The following ESPL1 variants were observed in gnomAD, a reference collection of about 807,000 sequenced individuals.
ESPL1 encodes separin.
ESPL1 carries 50 observed loss-of-function variants against 217.2 expected under a neutral mutation model. That is an observed-to-expected ratio of 0.23 (90% CI 0.18 to 0.29). The LOEUF is 0.29. ESPL1 is among the 10% of genes least tolerant of loss of function. The pLI is 1.00. For synonymous variants in ESPL1, 994 were observed against 1,081.3 expected (o/e 0.92, Z 1.58); for missense variants, 1,834 against 2,603.0 (o/e 0.70, Z 6.43).
chr12:53,283,114 C>T lies in ESPL1; in HGVS notation c.2792-15C>T, dbSNP rs757919648. The T allele has an allele frequency of 6.2e-7, 1 of 1,613,490 alleles. No individual in the cohort carries two copies. The highest frequency in any genetic ancestry group is 1.1e-5 in the South Asian group (1 of 91,006). ...CTGGCTGCATCTTCTCCCTTTTTCA[C>T]CCCACCCACCACAGGCTGGCAGACA... is the stretch of plus-strand genomic sequence containing the variant. On this transcript the variant is annotated splice_polypyrimidine_tract_variant and intron_variant, in intron 14 of 30. Coordinates refer to ENST00000257934, the MANE Select transcript of ESPL1 (RefSeq NM_012291.5).
chr12:53,273,032 C>CTTTT, intron 6 of ESPL1, among the ~76,000 whole-genome samples, 175 bp downstream of exon 6: 1 of 144,356 alleles, frequency 6.9e-6, no homozygotes. Flanking sequence ...ACTGTTGACT[C>CTTTT]ATTTTTTTTT....
At chr12:53,270,239 T>A in intron 3 of ESPL1, 139 bp from the exon 4 acceptor site, 3 of 932,880 alleles carry the variant, frequency 3.2e-6, no homozygotes, top group Non-Finnish European at 5.1e-6. Flanking sequence ...TAGTCTATCC[T>A]GAGAGGGCAG....
At chr12:53,284,434 G>C (rs1565759670) in intron 17 of ESPL1, among the ~76,000 whole-genome samples, 3 of 151,712 alleles carry the variant, frequency 2.0e-5, no homozygotes, top group Admixed American at 6.6e-5. Flanking sequence ...TTTTTTATTT[G>C]TAGTAGAGAT....
intron 12 of ESPL1, among the ~76,000 whole-genome samples, 166 bp from the exon 13 acceptor site, chr12:53,281,341 G>A (rs1943858257): frequency 6.6e-6 from 1 of 152,050 alleles, no homozygotes; most frequent in African/African-American, 2.4e-5. Context: ...GTGTCACCAT[G>A]TTGGCCAGGC....
At position 53,269,115 on chromosome 12, in the gene ESPL1, A is replaced by C. The variant is rs1943619741; in HGVS notation, c.173A>C (p.Asn58Thr). The C allele has an allele frequency of 6.2e-7, 1 of 1,613,992 alleles. No homozygotes were observed. The highest frequency in any genetic ancestry group is 1.3e-5 in the African/African-American group (1 of 74,926). ...QACDAILRAC[N>T]QQLTAKLACP... The stretch of plus-strand genomic sequence containing the variant: ...TGTGATGCCATCCTGAGGGCTTGCA[A>C]CCAGCAGCTGACTGCTAAGCTAGCT... The change falls in exon 3 of 31, where the codon AAC becomes ACC. Residue 58 changes from asparagine to threonine, a missense_variant. Physicochemically the swap from Asn to Thr is moderately conservative, Grantham distance 65. Coordinates refer to ENST00000257934, the MANE Select transcript of ESPL1 (RefSeq NM_012291.5). This position sits in a 1 kb window ranked among gnomAD's most constrained non-coding sequence, Gnocchi z 6.7.
In ESPL1 at chr12:53,286,186, C is replaced by G. The variant is rs148885660; in HGVS notation, c.3450C>G (p.Leu1150=). The G allele has an allele frequency of 6.2e-6, 10 of 1,614,286 alleles. No individual in the cohort carries two copies. The South Asian group carries it at 1.1e-4, about 18-fold the overall frequency. The change falls in exon 18 of 31, where the codon CTC becomes CTG. Residue 1150 remains leucine, a synonymous_variant. Coordinates refer to ENST00000257934, the MANE Select transcript of ESPL1 (RefSeq NM_012291.5). The surrounding 1 kb of genome is among the most constrained non-coding windows in gnomAD (Gnocchi z 5.3). ...ATTCACCCACCTGTGACTGCTCGCT[C>G]TGCGCCAGCCCTGTCCTCACAGCAG... ...LSHSPTCDCS[L]CASPVLTAVC...
At position 53,292,921 on chromosome 12, in the gene ESPL1, G is replaced by C. The variant is rs1448017919; in HGVS notation, c.6112G>C (p.Gly2038Arg). The change falls in exon 30 of 31, where the codon GGA becomes CGA. Residue 2038 changes from glycine to arginine, a missense_variant. This residue lies in a region of ESPL1 where 295 missense variants were observed against 519.8 expected (regional missense o/e 0.57). Coordinates refer to ENST00000257934, the MANE Select transcript of ESPL1 (RefSeq NM_012291.5). The surrounding 1 kb of genome is among the most constrained non-coding windows in gnomAD (Gnocchi z 4.5). The part of the protein sequence containing the change: ...GCSSAALAVR[G>R]NLEGAGIVLK... ...TAGCAGTGCGGCCCTGGCTGTGCGTGGAAACCTGGAGGGGGCTGGCATCGT... is the reference window on the plus strand; with the variant it reads ...TAGCAGTGCGGCCCTGGCTGTGCGTCGAAACCTGGAGGGGGCTGGCATCGT... 1.9e-6 allele frequency: 3 copies of C among 1,613,932 alleles called. No individual in the cohort carries two copies. Among genetic ancestry groups the C allele is most frequent in the Non-Finnish European group, 1.7e-6 (2 of 1,180,026 alleles).
At chr12:53,283,982 G>A (rs1416780236) in intron 16 of ESPL1, 76 bp from the exon 17 acceptor site, 1 of 1,122,576 alleles carries the variant, frequency 8.9e-7, no homozygotes, top group African/African-American at 1.5e-5. Flanking sequence ...CTTGGCCTGG[G>A]AAAGAGGCAA....
intron 24 of ESPL1, 86 bp from the exon 25 acceptor site, chr12:53,290,755 G>A (rs970202186): frequency 1.0e-4 from 30 of 295,090 alleles, no homozygotes; most frequent in South Asian, 3.1e-4. Flanking sequence ...ATTGGAAAAC[G>A]CATTTTCTCA....
At chr12:53,284,501 C>T (rs1943913791) in intron 17 of ESPL1, among the ~76,000 whole-genome samples, 1 of 151,578 alleles carries the variant, frequency 6.6e-6, no homozygotes, top group East Asian at 2.0e-4. Context: ...GGTGATCCAC[C>T]CGCCTCGGCC....
chr12:53,275,449 A>G, intron 7 of ESPL1, among the ~76,000 whole-genome samples: 1 of 152,106 alleles, frequency 6.6e-6, no homozygotes, highest in East Asian at 1.9e-4. Context: ...TGACAGAGGG[A>G]GACTCCATCT....
Position 53,272,835 on chromosome 12 carries a change from A to G in ESPL1, c.1484A>G (p.Tyr495Cys), listed in dbSNP as rs1470084808. 2.5e-6 allele frequency: 4 copies of G among 1,613,938 alleles called. No homozygotes were observed. The highest frequency in any genetic ancestry group is 3.4e-6 in the Non-Finnish European group (4 of 1,180,006). ...QHLGLVKPGTYPEVPPEKLHR... is the reference protein window; with the variant it reads ...QHLGLVKPGTCPEVPPEKLHR... ...CTGGGTTTGGTGAAGCCAGGCACTT[A>G]TCCCGAGGTGCCTCCTGAGAAGGTA... Residue 495 changes from tyrosine (Y) to cysteine (C), a missense_variant, in exon 6 of 31, where the codon TAT becomes TGT. This residue lies in a region of ESPL1 where 746 missense variants were observed against 1,077.0 expected (regional missense o/e 0.69). Transcript: ENST00000257934.
chr12:53,274,606 A>G (rs1592480332), intron 6 of ESPL1: 1 of 517,202 alleles, frequency 1.9e-6, no homozygotes. Flanking sequence ...TGATGAACAT[A>G]GGGGTGGAGT....
In ESPL1 at chr12:53,277,614, G is replaced by C. The variant is rs1372462688; in HGVS notation, c.2224+6G>C. ...CAACCTGGCTGCAGATGCTGGTGAG[G>C]GGTAAATGGAGTGTGGCATGGGCAT... On this transcript the variant is annotated splice_donor_region_variant and intron_variant, in intron 10 of 30. Transcript: ENST00000257934. 6.2e-7 allele frequency: 1 copy of C among 1,613,838 alleles called. No homozygotes were observed. The highest frequency in any genetic ancestry group is 8.5e-7 in the Non-Finnish European group (1 of 1,179,892).
chr12:53,290,991 C>T lies in ESPL1; in HGVS notation c.5515C>T (p.Leu1839=). 2 of 1,584,504 alleles carry T rather than the reference C, an allele frequency of 1.3e-6. No individual in the cohort carries two copies. Among genetic ancestry groups the T allele is most frequent in the Non-Finnish European group, 1.7e-6 (2 of 1,165,264 alleles). Residue 1839 remains leucine (L), a synonymous_variant, in exon 25 of 31, where the codon CTG becomes TTG. Transcript: ENST00000257934. ...CTGGAAATATCCTGACCGCACTCTG[C>T]TGAAAGTGAGTGAGGAAAGCAGGGA... ...CGWKYPDRTL[L]KIMLSGAGAL... is the part of the protein sequence containing the mutation.
At chr12:53,275,129 G>A (rs183453232) in intron 7 of ESPL1, 119 bp downstream of exon 7, 66 of 733,446 alleles carry the variant, frequency 9.0e-5, no homozygotes, top group African/African-American at 5.1e-4. Context: ...GTGAAACCCC[G>A]TCTCTACTAC....
In ESPL1 at chr12:53,279,878, A is replaced by G; in HGVS notation, c.2499+12A>G. ...CCAGCTATGCCCAGGTGAGTGCCCA[A>G]CCAGCCTAGTCTGGGGACTGCAGGG... On this transcript the variant is annotated intron_variant, in intron 12 of 30. Transcript: ENST00000257934. The G allele has an allele frequency of 1.9e-6, 3 of 1,571,514 alleles. No homozygotes were observed. The highest frequency in any genetic ancestry group is 2.6e-6 in the Non-Finnish European group (3 of 1,157,346).
chr12:53,286,852 G>C lies in ESPL1; in HGVS notation c.4116G>C (p.Glu1372Asp), dbSNP rs570031631. The C allele has an allele frequency of 2.5e-6, 4 of 1,613,874 alleles. No homozygotes were observed. In the South Asian group the frequency reaches 4.4e-5, roughly 18 times the overall value. Residue 1372 changes from glutamate (E) to aspartate (D), a missense_variant, in exon 18 of 31, where the codon GAG becomes GAC. Transcript: ENST00000257934. The surrounding 1 kb of genome is among the most constrained non-coding windows in gnomAD (Gnocchi z 5.3). ...FTVFEEVCPTESKPEVPQAPR... is the reference protein window; with the variant it reads ...FTVFEEVCPTDSKPEVPQAPR... ...TGTTTGAGGAAGTCTGCCCTACAGAGAGCAAGCCTGAAGTACCCCAGGCCC... is the reference window on the plus strand; with the variant it reads ...TGTTTGAGGAAGTCTGCCCTACAGACAGCAAGCCTGAAGTACCCCAGGCCC...
Position 53,269,411 on chromosome 12 carries a change from G to A in ESPL1, c.469G>A (p.Ala157Thr), listed in dbSNP as rs1943627106. Residue 157 changes from alanine (A) to threonine (T), a missense_variant, in exon 3 of 31, where the codon GCC (alanine) becomes ACC (threonine). This residue lies in a region of ESPL1 where 746 missense variants were observed against 1,077.0 expected (regional missense o/e 0.69). Coordinates refer to ENST00000257934, the MANE Select transcript of ESPL1 (RefSeq NM_012291.5). This position sits in a 1 kb window ranked among gnomAD's most constrained non-coding sequence, Gnocchi z 6.7. ...TTCTCTGCTTTGGAAGGGGGCAGAA[G>A]CCCTGTTGGAACGGCGAGCTGCATT... ...SFSLLWKGAE[A>T]LLERRAAFAA... 1.2e-6 allele frequency: 2 copies of A among 1,613,842 alleles called. No individual in the cohort carries two copies. The highest frequency in any genetic ancestry group is 1.7e-6 in the Non-Finnish European group (2 of 1,180,010).
Sources: allele counts gnomAD v4.1 joint callset (sites outside exome capture counted in the v4.1 genomes callset), GRCh38; gene constraint gnomAD v4.1.1; regional missense constraint gnomAD v4.1.1; non-coding constraint Gnocchi (gnomAD v3.1); transcripts MANE v1.5; gene names NCBI Gene and HGNC (gene_info 2026-07-23, HGNC 2026-07-21).